ORC1: variants seen among roughly 807,000 people sequenced by gnomAD.
ORC1 encodes origin recognition complex subunit 1, also known as origin recognition complex, subunit 1 homolog.
A neutral mutation model predicts 98.9 loss-of-function variants in ORC1; 61 were observed. The ratio of observed to expected loss-of-function variants is 0.62; its 90% CI spans 0.50 to 0.76. ORC1 has a LOEUF of 0.76. ORC1 is among the 30% of genes least tolerant of loss of function. ORC1 has a pLI of 0.00. For synonymous variants in ORC1, 385 were observed against 406.9 expected, an observed-to-expected ratio of 0.95 and a Z score of 0.65; for missense variants, 979 against 1,072.2, an observed-to-expected ratio of 0.91 and a Z score of 1.21.
rs772360412 is a variant in ORC1, at chr1:52,397,867, G to A, written c.224-4C>T. ...TTCTTAGGAGGAGGATCAGAGTCTA[G>A]AAAGAATTTGGTGGAAAGGGAAAGG... is the stretch of plus-strand genomic sequence containing the variant. On this transcript the variant is annotated splice_polypyrimidine_tract_variant and splice_region_variant and intron_variant, in intron 3 of 16. Coordinates refer to ENST00000371568, the MANE Select transcript of ORC1 (RefSeq NM_004153.4). 6.2e-7 allele frequency: 1 copy of A among 1,614,052 alleles called. No individual in the cohort carries two copies. Among genetic ancestry groups the A allele is most frequent in the Non-Finnish European group, 8.5e-7 (1 of 1,179,900 alleles).
chr1:52,383,718 A>G, intron 12 of ORC1, 112 bp downstream of exon 12: 2 of 1,276,612 alleles, frequency 1.6e-6, no homozygotes, highest in South Asian at 2.4e-5. Flanking sequence ...CAGCACCAGA[A>G]AATGGGCTCA....
chr1:52,386,024 T>C, intron 8 of ORC1, 75 bp from the exon 9 acceptor site: 3 of 1,077,980 alleles, frequency 2.8e-6, no homozygotes, highest in Non-Finnish European at 4.2e-6. Context: ...CAAATGTGAT[T>C]TGTGCTGATC....
intron 8 of ORC1, among the ~76,000 whole-genome samples, chr1:52,387,676 C>G (rs1647161822): frequency 6.6e-6 from 1 of 152,062 alleles, no homozygotes; most frequent in Non-Finnish European, 1.5e-5. Context: ...CCAGGCTGGT[C>G]TTGAATTCCT....
At chr1:52,386,092 T>C (rs539700810) in intron 8 of ORC1, 143 bp from the exon 9 acceptor site, 1 of 716,668 alleles carries the variant, frequency 1.4e-6, no homozygotes, top group Admixed American at 2.0e-5. Context: ...TAAAGGACCA[T>C]GACTCTCCCT....
intron 14 of ORC1, among the ~76,000 whole-genome samples, chr1:52,379,241 A>ATTTTTTTTT (rs1202537038): frequency 1.6e-5 from 2 of 125,614 alleles, no homozygotes; most frequent in African/African-American, 5.8e-5. Flanking sequence ...AAAGTAGGGT[A>ATTTTTTTTT]TTTTTTTTTT....
Position 52,383,490 on chromosome 1 carries a change from A to G in ORC1, c.1943T>C (p.Val648Ala). 2 of 1,613,720 alleles carry G rather than the reference A, an allele frequency of 1.2e-6. No homozygotes were observed. The highest frequency in any genetic ancestry group is 1.7e-6 in the Non-Finnish European group (2 of 1,180,018). The change falls in exon 13 of 17, where the codon GTG becomes GCG. Residue 648 changes from valine to alanine, a missense_variant. By Grantham distance (64) the Val-to-Ala change is moderately conservative. Transcript: ENST00000371568. ...CATTGTGTTGGCAATTGCCAGGACCACAAGCCGGGCCTCCTTATGAGTGGG... is the reference window on the plus strand; with the variant it reads ...CATTGTGTTGGCAATTGCCAGGACCGCAAGCCGGGCCTCCTTATGAGTGGG... ...DWPTHKEARL[V>A]VLAIANTMDL...
At chr1:52,392,521 A>C (rs1405161298) in intron 6 of ORC1, among the ~76,000 whole-genome samples, 1 of 152,242 alleles carries the variant, frequency 6.6e-6, no homozygotes, top group Non-Finnish European at 1.5e-5. Context: ...AACTAAAAGT[A>C]GATCCACCAT....
At position 52,388,617 on chromosome 1, in the gene ORC1, C is replaced by T. The variant is rs1647174703; in HGVS notation, c.1208G>A (p.Ser403Asn). 6.2e-7 allele frequency: 1 copy of T among 1,613,780 alleles called. No individual in the cohort carries two copies. Among genetic ancestry groups the T allele is most frequent in the South Asian group, 1.1e-5 (1 of 91,068 alleles). The change falls in exon 8 of 17, where the codon AGT (serine) becomes AAT (asparagine). Residue 403 changes from serine (S) to asparagine (N), a missense_variant. Coordinates refer to ENST00000371568, the MANE Select transcript of ORC1 (RefSeq NM_004153.4). Reference protein sequence around the residue: ...QQLRFLGNSKSDQEEKEILPA... With the variant: ...QQLRFLGNSKNDQEEKEILPA... ...CAGAATCTCTTTCTCTTCTTGGTCACTTTTACTATTACCTAGAAACCTGAA... is the reference window on the plus strand; with the variant it reads ...CAGAATCTCTTTCTCTTCTTGGTCATTTTTACTATTACCTAGAAACCTGAA...
intron 14 of ORC1, among the ~76,000 whole-genome samples, chr1:52,378,156 C>T (rs1343077475): frequency 6.6e-6 from 1 of 151,942 alleles, no homozygotes; most frequent in African/African-American, 2.4e-5. Context: ...ACCATCCTGG[C>T]TAACATGGTG....
At position 52,400,585 on chromosome 1, in the gene ORC1, CCTT is replaced by C. The variant is rs202050199; in HGVS notation, c.223+774_223+776del. ...CCACAGGATTACCTAATGACCATGC[CCTT>C]CTTCTGTCTCTTGAACGAGGCAGTT... On this transcript the variant is annotated intron_variant, in intron 3 of 16. Transcript: ENST00000371568. Among the ~76,000 whole-genome samples the C allele has an allele frequency of 3.6e-3, 542 of 152,284 alleles. 7 individuals carry two copies. The highest frequency in any genetic ancestry group is 0.034 in the South Asian group (163 of 4,826).
In ORC1 at chr1:52,373,389, G is replaced by A; in HGVS notation, c.2392-14C>T. 1 of 1,608,104 alleles carries A rather than the reference G, an allele frequency of 6.2e-7. No homozygotes were observed. Among genetic ancestry groups the A allele is most frequent in the Non-Finnish European group, 8.5e-7 (1 of 1,174,898 alleles). On this transcript the variant is annotated splice_polypyrimidine_tract_variant and intron_variant, in intron 16 of 16. Coordinates refer to ENST00000371568, the MANE Select transcript of ORC1 (RefSeq NM_004153.4). ...TTGACTATATATCTAGACACAAATAGCAAGGCAAAGGTTAAGAGGAAATAC... is the reference window on the plus strand; with the variant it reads ...TTGACTATATATCTAGACACAAATAACAAGGCAAAGGTTAAGAGGAAATAC...
At position 52,373,252 on chromosome 1, in the gene ORC1, T is replaced by C. The variant is rs753650374; in HGVS notation, c.2515A>G (p.Asn839Asp). The C allele has an allele frequency of 6.2e-7, 1 of 1,614,204 alleles. No individual in the cohort carries two copies. Among genetic ancestry groups the C allele is most frequent in the Non-Finnish European group, 8.5e-7 (1 of 1,180,036 alleles). The change falls in exon 17 of 17, where the codon AAC becomes GAC. Residue 839 changes from asparagine to aspartate, a missense_variant. Transcript: ENST00000371568. ...CRLLLVEPSR[N>D]DLLLRVRLNV... ...AGCCGCACCCGAAGGAGCAGATCGT[T>C]CCTGCTGGGCTCCACAAGCAGGAGG...
upstream of ORC1, among the ~76,000 whole-genome samples, chr1:52,406,447 G>T (rs190710092): frequency 6.6e-6 from 1 of 152,216 alleles, no homozygotes; most frequent in East Asian, 1.9e-4. Flanking sequence ...ACGCTCAGGG[G>T]TGAAAATCAA....
rs140183631 is a variant in ORC1, at chr1:52,398,827, C to T, written c.224-964G>A. The stretch of plus-strand genomic sequence containing the variant: ...GTCTCAATCTCCTGACCTCGTGATC[C>T]GCCTGCCTCGGCCTACCAAAGTGCT... On this transcript the variant is annotated intron_variant, in intron 3 of 16. Transcript: ENST00000371568. Among the ~76,000 whole-genome samples the T allele has an allele frequency of 3.7e-3, 560 of 152,078 alleles. 2 individuals are homozygous for T. The highest frequency in any genetic ancestry group is 0.013 in the African/African-American group (521 of 41,460).
At chr1:52,394,622 A>G (rs566951810) in intron 5 of ORC1, among the ~76,000 whole-genome samples, 2 of 149,208 alleles carry the variant, frequency 1.3e-5, no homozygotes, top group South Asian at 4.3e-4. Context: ...GGACCTAAAG[A>G]AAAAAAAAAG....
intron 3 of ORC1, among the ~76,000 whole-genome samples, chr1:52,400,824 T>A (rs1000306246): frequency 2.0e-5 from 3 of 152,200 alleles, no homozygotes; most frequent in African/African-American, 2.4e-5. Flanking sequence ...CACTTACTCA[T>A]CTCTGGTAAA....
rs1469474526 is a variant in ORC1 at position 52,397,960 on chromosome 1, A to G, written c.224-97T>C. 1.4e-5 allele frequency: 17 copies of G among 1,205,670 alleles called. No homozygotes were observed. The East Asian group carries it at 1.6e-4, about 12-fold the overall frequency. The allele number at this position is 1,205,670 out of a possible 1,614,324, so 74.7% of individuals were successfully genotyped here. A position where few individuals can be genotyped will look rare whatever the true frequency, so the allele number is the denominator to read the frequency against. Reference sequence around the variant, plus strand: ...CCAGACACTGTGCTTAACCCTTGACATGTGTGGTTTTGTTTTTTGTTTTTT... The same window carrying G: ...CCAGACACTGTGCTTAACCCTTGACGTGTGTGGTTTTGTTTTTTGTTTTTT... On this transcript the variant is annotated intron_variant, in intron 3 of 16. Coordinates refer to ENST00000371568, the MANE Select transcript of ORC1 (RefSeq NM_004153.4).
At position 52,373,235 on chromosome 1, in the gene ORC1, C is replaced by A; in HGVS notation, c.2532G>T (p.Arg844=). 1 of 1,614,174 alleles carries A rather than the reference C, an allele frequency of 6.2e-7. No individual in the cohort carries two copies. Among genetic ancestry groups the A allele is most frequent in the South Asian group, 1.1e-5 (1 of 91,070 alleles). Residue 844 remains arginine, a synonymous_variant, in exon 17 of 17, where the codon CGG becomes CGT. Coordinates refer to ENST00000371568, the MANE Select transcript of ORC1 (RefSeq NM_004153.4). ...CATCCTGGCTGACGTTGAGCCGCAC[C>A]CGAAGGAGCAGATCGTTCCTGCTGG... is the stretch of plus-strand genomic sequence containing the variant. ...VEPSRNDLLL[R]VRLNVSQDDV...
chr1:52,388,458 T>C lies in ORC1; in HGVS notation c.1367A>G (p.Lys456Arg). 6.2e-7 allele frequency: 1 copy of C among 1,613,986 alleles called. No individual in the cohort carries two copies. Among genetic ancestry groups the C allele is most frequent in the Non-Finnish European group, 8.5e-7 (1 of 1,179,876 alleles). Residue 456 changes from lysine to arginine, a missense_variant, in exon 8 of 17, where the codon AAG (lysine) becomes AGG (arginine). Coordinates refer to ENST00000371568, the MANE Select transcript of ORC1 (RefSeq NM_004153.4). Reference protein sequence around the residue: ...SLKSSLHTLTKVPKKSLKPRT... With the variant: ...SLKSSLHTLTRVPKKSLKPRT... ...GAACCTTACACTCTTCTTTGGCACCTTCGTGAGGGTATGTAAGGATGACTT... is the reference window on the plus strand; with the variant it reads ...GAACCTTACACTCTTCTTTGGCACCCTCGTGAGGGTATGTAAGGATGACTT...
Sources: allele counts gnomAD v4.1 joint callset (sites outside exome capture counted in the v4.1 genomes callset), GRCh38; gene constraint gnomAD v4.1.1; transcripts MANE v1.5; gene names NCBI Gene and HGNC (gene_info 2026-07-23, HGNC 2026-07-21).